Variants in RAPGEF1 observed in about 807,000 individuals in gnomAD.
The protein encoded by RAPGEF1 is CRK SH3-binding GNRP.
In RAPGEF1, 33 loss-of-function variants were observed where a neutral mutation model predicts 143.3. The observed-to-expected ratio is 0.23, with a 90% CI of 0.17 to 0.31. The LOEUF (loss-of-function observed/expected upper bound fraction) is 0.31, where lower values mean the gene tolerates loss of function less well. Ranked by LOEUF, RAPGEF1 falls within the 10% of genes least tolerant of loss-of-function variation. The probability of loss-of-function intolerance (pLI) is 1.00; values close to 1 mark genes in which losing one functional copy is unlikely to be tolerated. For synonymous variants in RAPGEF1, 629 were observed against 676.5 expected (o/e 0.93, Z 1.09); for missense variants, 1,199 against 1,645.4 (o/e 0.73, Z 4.69).
At position 131,585,362 on chromosome 9, in the gene RAPGEF1, A is replaced by AGC. The variant is rs10657349; in HGVS notation, c.3234-767_3234-766insGC. Among the ~76,000 whole-genome samples, 1,160 of 146,360 alleles carry AGC rather than the reference A, an allele frequency of 7.9e-3. 14 individuals are homozygous for AGC. Among genetic ancestry groups the AGC allele is most frequent in the African/African-American group, 0.028 (1,066 of 37,594 alleles). ...CTCTTGGCTAATTTTAATTTTTTGT[A>AGC]GGGGGGGGGCGTCTCTCTATGTTGT... On this transcript the variant is annotated intron_variant, in intron 22 of 26. Coordinates refer to ENST00000683357, the MANE Select transcript of RAPGEF1 (RefSeq NM_001377935.1).
intron 12 of RAPGEF1, among the ~76,000 whole-genome samples, chr9:131,612,259 C>T (rs1958135992): frequency 6.6e-6 from 1 of 152,176 alleles, no homozygotes; most frequent in South Asian, 2.1e-4. Flanking sequence ...GACTGAACTC[C>T]CACATGACAG....
In RAPGEF1 at chr9:131,730,451, G is replaced by A. The variant is rs555434586; in HGVS notation, c.61+9319C>T. On this transcript the variant is annotated intron_variant, in intron 1 of 26. Coordinates refer to ENST00000683357, the MANE Select transcript of RAPGEF1 (RefSeq NM_001377935.1). The stretch of plus-strand genomic sequence containing the variant: ...TCCCAGCACTTTGGGAGGCTGAGGC[G>A]GCGGATCACAAGGTCAGGAGTTCAA... 7.3e-5 allele frequency among the ~76,000 whole-genome samples: 11 copies of A among 151,602 alleles called. No homozygotes were observed. The East Asian group carries it at 9.8e-4, about 13-fold the overall frequency.
chr9:131,603,877 G>A (rs1956672134), intron 14 of RAPGEF1, 84 bp downstream of exon 14: 3 of 801,984 alleles, frequency 3.7e-6, no homozygotes, highest in East Asian at 6.8e-5. Context: ...ACAGAAGCAG[G>A]TGCGGGGGAA....
At chr9:131,716,209 G>T (rs1037842661) in intron 1 of RAPGEF1, among the ~76,000 whole-genome samples, 10 of 152,112 alleles carry the variant, frequency 6.6e-5, no homozygotes, top group Admixed American at 4.6e-4. Flanking sequence ...AAAACACAGG[G>T]GCTCAGAACC....
intron 9 of RAPGEF1, among the ~76,000 whole-genome samples, chr9:131,627,523 C>T (rs1293490872): frequency 2.0e-5 from 3 of 152,172 alleles, no homozygotes; most frequent in African/African-American, 4.8e-5. Context: ...CACTGACTAA[C>T]GAGAAGGCCG....
rs1050614633 is a variant in RAPGEF1, at chr9:131,630,154, C to T, written c.740+82G>A. The T allele has an allele frequency of 1.5e-4, 192 of 1,255,544 alleles. 1 individual carries two copies. The highest frequency in any genetic ancestry group is 4.8e-5 in the Non-Finnish European group (42 of 868,006). The allele number at this position is 1,255,544 out of a possible 1,614,324, so 77.8% of individuals were successfully genotyped here. ...CAGCAGCCCACCCTCATGCTGCCCA[C>T]CCCACCGGGCCCTATCCTTGTCAAG... On this transcript the variant is annotated intron_variant, in intron 6 of 26. Coordinates refer to ENST00000683357, the MANE Select transcript of RAPGEF1 (RefSeq NM_001377935.1).
In RAPGEF1 at chr9:131,616,767, G is replaced by A. The variant is rs144409917; in HGVS notation, c.2061+2284C>T. On this transcript the variant is annotated intron_variant, in intron 12 of 26. Transcript: ENST00000683357. ...TGAAGAAAGTCAGGAATAAAGGGCC[G>A]CTCTGATAGTAATCCAAAGCTCTAT... is the stretch of plus-strand genomic sequence containing the variant. Among the ~76,000 whole-genome samples the A allele has an allele frequency of 3.3e-5, 5 of 152,308 alleles. No homozygotes were observed. In the East Asian group the frequency reaches 9.6e-4, roughly 29 times the overall value.
intron 11 of RAPGEF1, among the ~76,000 whole-genome samples, chr9:131,619,913 T>C (rs1178250118): frequency 6.6e-6 from 1 of 152,110 alleles, no homozygotes; most frequent in Non-Finnish European, 1.5e-5. Context: ...GTCATTAGGA[T>C]TGGGTGTGGC....
Position 131,694,792 on chromosome 9 carries a change from ACTTT to A in RAPGEF1, c.62-43847_62-43844del, listed in dbSNP as rs778033802. On this transcript the variant is annotated intron_variant, in intron 1 of 26. Coordinates refer to ENST00000683357, the MANE Select transcript of RAPGEF1 (RefSeq NM_001377935.1). ...TTCCTACAGCACTCATCACCTTCAC[ACTTT>A]CTTTTTTTTTTTTTTTTATACTTTA... 1.1e-4 allele frequency among the ~76,000 whole-genome samples: 13 copies of A among 117,214 alleles called. No individual in the cohort carries two copies. In the South Asian group the frequency reaches 1.3e-3, roughly 12 times the overall value. The allele number at this position is 117,214 out of a possible 152,430, so 76.9% of individuals were successfully genotyped here. A position where few individuals can be genotyped will look rare whatever the true frequency, so the allele number is the denominator to read the frequency against.
chr9:131,649,324 G>A (rs1174788424), intron 3 of RAPGEF1, among the ~76,000 whole-genome samples: 1 of 150,992 alleles, frequency 6.6e-6, no homozygotes, highest in Non-Finnish European at 1.5e-5. Context: ...CAAAGTGCTG[G>A]GATTATAGGC....
chr9:131,695,372 G>A (rs1000101358), intron 1 of RAPGEF1, among the ~76,000 whole-genome samples: 2 of 152,336 alleles, frequency 1.3e-5, no homozygotes, highest in Admixed American at 6.5e-5. Context: ...CCACACGATA[G>A]AGGTCAATGG....
In RAPGEF1 at chr9:131,739,830, T is replaced by TCGGGCC. The variant is rs1837639821; in HGVS notation, c.-6_-1dup. 6 of 1,116,358 alleles carry TCGGGCC rather than the reference T, an allele frequency of 5.4e-6. No individual in the cohort carries two copies. Among genetic ancestry groups the TCGGGCC allele is most frequent in the Non-Finnish European group, 6.6e-6 (6 of 902,422 alleles). The allele number at this position is 1,116,358 out of a possible 1,614,324, so 69.2% of individuals were successfully genotyped here. Reference sequence around the variant, plus strand: ...CGCCGGAGGCCGAGGCCGCCGCTCATCGGGCCCGGGCCGGGCCGCCGCGGG... The same window carrying TCGGGCC: ...CGCCGGAGGCCGAGGCCGCCGCTCATCGGGCCCGGGCCCGGGCCGGGCCGCCGCGGG... On this transcript the variant is annotated 5_prime_UTR_variant, in exon 1 of 27. Coordinates refer to ENST00000683357, the MANE Select transcript of RAPGEF1 (RefSeq NM_001377935.1).
chr9:131,674,213 T>C (rs1273688058), intron 1 of RAPGEF1, among the ~76,000 whole-genome samples: 1 of 152,168 alleles, frequency 6.6e-6, no homozygotes, highest in African/African-American at 2.4e-5. Context: ...TGTTTTTAAA[T>C]TTTTCATCAA....
At chr9:131,737,188 T>C (rs1837473339) in intron 1 of RAPGEF1, among the ~76,000 whole-genome samples, 1 of 152,218 alleles carries the variant, frequency 6.6e-6, no homozygotes, top group Admixed American at 6.5e-5. Flanking sequence ...GTCCTGACCC[T>C]GGTCTTGCCA....
rs765029261 is a variant in RAPGEF1 at position 131,584,429 on chromosome 9, G to A, written c.3313-17C>T. On this transcript the variant is annotated splice_polypyrimidine_tract_variant and intron_variant, in intron 23 of 26. Transcript: ENST00000683357. This position sits in a 1 kb window ranked among gnomAD's most constrained non-coding sequence, Gnocchi z 6.8. ...CCGCAAGTGCTGCCGAGAGAGGGGC[G>A]GTGCCGTGAGGCAGGAGGGCAGGCG... The A allele has an allele frequency of 9.3e-6, 15 of 1,613,458 alleles. No homozygotes were observed. The highest frequency in any genetic ancestry group is 1.1e-5 in the Non-Finnish European group (13 of 1,179,416).
chr9:131,681,663 C>T (rs1401287412), intron 1 of RAPGEF1, among the ~76,000 whole-genome samples: 1 of 152,120 alleles, frequency 6.6e-6, no homozygotes, highest in Non-Finnish European at 1.5e-5. Context: ...AATGCCCAGG[C>T]CCAACCTCGA....
intron 1 of RAPGEF1, among the ~76,000 whole-genome samples, chr9:131,696,362 T>C (rs1834179663): frequency 6.6e-6 from 1 of 152,170 alleles, no homozygotes; most frequent in African/African-American, 2.4e-5. Flanking sequence ...GGTTTTTACA[T>C]CTTAAAGGGC....
chr9:131,709,851 G>A, intron 1 of RAPGEF1: 1 of 1,426,396 alleles, frequency 7.0e-7, no homozygotes, highest in Non-Finnish European at 9.1e-7. Flanking sequence ...TCATTCTCAA[G>A]TCTTTGCCTT....
intron 1 of RAPGEF1, among the ~76,000 whole-genome samples, chr9:131,726,175 T>C (rs776102422): frequency 6.6e-5 from 10 of 152,096 alleles, no homozygotes; most frequent in Non-Finnish European, 1.0e-4. Flanking sequence ...GTCAATGCAA[T>C]AGAATACTAC....
Sources: gnomAD v4.1 joint callset for allele counts (sites outside exome capture counted in the v4.1 genomes callset) on GRCh38, gnomAD v4.1.1 for gene constraint, Gnocchi (gnomAD v3.1) non-coding constraint, MANE v1.5 for transcripts, NCBI Gene and HGNC (gene_info 2026-07-23, HGNC 2026-07-21) for gene names.